MEDAG: variants seen among roughly 807,000 people sequenced by gnomAD.
The protein encoded by MEDAG is mesenteric estrogen-dependent adipogenesis protein.
A neutral mutation model predicts 29.9 loss-of-function variants in MEDAG; 25 were observed. The ratio of observed to expected loss-of-function variants is 0.84; its 90% CI spans 0.61 to 1.17. The LOEUF (loss-of-function observed/expected upper bound fraction) is 1.17. Ranked by LOEUF, MEDAG falls within the 50% of genes most tolerant of loss-of-function variation. The pLI is 0.00. For missense variants in MEDAG, 398 were observed against 372.9 expected (o/e 1.07, Z -0.56); for synonymous variants, 158 against 148.2 (o/e 1.07, Z -0.48).
In MEDAG at chr13:30,921,733, C is replaced by T; in HGVS notation, c.674C>T (p.Ser225Leu). 6.2e-7 allele frequency: 1 copy of T among 1,613,984 alleles called. No individual in the cohort carries two copies. ...VKVNGKVLNL[S>L]STSPEKKETI... ...GTAAATGGAAAAGTTCTGAATTTGT[C>T]AAGTACAAGTCCAGAAAAGAAGGAG... Residue 225 changes from serine (S) to leucine (L), a missense_variant, in exon 4 of 5, where the codon TCA becomes TTA. Transcript: ENST00000380482.
Position 30,906,674 on chromosome 13 carries a change from C to A in MEDAG, c.159C>A (p.Asp53Glu), listed in dbSNP as rs770099315. 9.0e-6 allele frequency: 14 copies of A among 1,555,372 alleles called. No individual in the cohort carries two copies. In the African/African-American group the frequency reaches 1.7e-4, roughly 18 times the overall value. The change falls in exon 1 of 5, where the codon GAC becomes GAA. Residue 53 changes from aspartate (D) to glutamate (E), a missense_variant. Transcript: ENST00000380482. ...LQPGAFQLSG[D>E]QLVVARPGEP... is the part of the protein sequence containing the mutation. Reference sequence around the variant, plus strand: ...CCGGTGCCTTCCAGCTGAGCGGCGACCAGCTCGTGGTGGCCAGGCCCGGGG... The same window carrying A: ...CCGGTGCCTTCCAGCTGAGCGGCGAACAGCTCGTGGTGGCCAGGCCCGGGG...
At chr13:30,917,791 A>C (rs1018990209) in intron 2 of MEDAG, among the ~76,000 whole-genome samples, 2 of 152,184 alleles carry the variant, frequency 1.3e-5, no homozygotes, top group African/African-American at 4.8e-5. Flanking sequence ...TGAGAACAGC[A>C]AGGGGAAAAT....
At chr13:30,922,345 T>C (rs1455047937) in intron 4 of MEDAG, 2 of 151,328 alleles carry the variant, frequency 1.3e-5, no homozygotes, top group East Asian at 2.0e-4. Flanking sequence ...AACCTCAGCC[T>C]TCCGGGTTCA....
In MEDAG at chr13:30,924,323, A is replaced by G. The variant is rs1298349879; in HGVS notation, c.800A>G (p.Asp267Gly). 3.7e-6 allele frequency: 6 copies of G among 1,613,310 alleles called. No homozygotes were observed. In the African/African-American group the frequency reaches 4.0e-5, roughly 11 times the overall value. The change falls in exon 5 of 5, where the codon GAT becomes GGT. Residue 267 changes from aspartate to glycine, a missense_variant. Physicochemically the swap from Asp to Gly is moderately conservative, Grantham distance 94. Transcript: ENST00000380482. ...TACTGTTTTTTAGGTTCAATAGATG[A>G]TGTTTTTAACTGCAATCTGTCACCC... ...FSVTSRGSID[D>G]VFNCNLSPRS... is the part of the protein sequence containing the mutation.
At chr13:30,912,385 T>C (rs1348409741) in intron 1 of MEDAG, among the ~76,000 whole-genome samples, 1 of 152,158 alleles carries the variant, frequency 6.6e-6, no homozygotes, top group Admixed American at 6.5e-5. Context: ...TCTGCAAGCT[T>C]TTGCTTAGTG....
In MEDAG at chr13:30,923,212, C is replaced by T. The variant is rs528360939; in HGVS notation, c.788-1099C>T. Among the ~76,000 whole-genome samples, 37 of 152,224 alleles carry T rather than the reference C, an allele frequency of 2.4e-4. 1 individual carries two copies. In the South Asian group the frequency reaches 5.6e-3, roughly 23 times the overall value. ...CTGGAATTACAGGTGTGAGCCACCA[C>T]GCCTGGCCACAGCCTGTGTTTCTTT... On this transcript the variant is annotated intron_variant, in intron 4 of 4. Coordinates refer to ENST00000380482, the MANE Select transcript of MEDAG (RefSeq NM_032849.4).
In MEDAG at chr13:30,909,560, G is replaced by A. The variant is rs7323188; in HGVS notation, c.278+2767G>A. On this transcript the variant is annotated intron_variant, in intron 1 of 4. Transcript: ENST00000380482. ...ACCATAGAACTTTTGAGAATTCTAC[G>A]TAGATTCCCCAGAAATGTAAATATA... Among the ~76,000 whole-genome samples the A allele has an allele frequency of 4.6e-3, 707 of 152,232 alleles. 5 individuals carry two copies. Among genetic ancestry groups the A allele is most frequent in the African/African-American group, 0.016 (663 of 41,534 alleles).
chr13:30,912,322 A>G (rs530245605), intron 1 of MEDAG, among the ~76,000 whole-genome samples: 2 of 152,298 alleles, frequency 1.3e-5, no homozygotes, highest in South Asian at 4.1e-4. Flanking sequence ...CGATCAAGCT[A>G]ACACTGGAAA....
At chr13:30,908,364 C>A (rs2138113628) in intron 1 of MEDAG, among the ~76,000 whole-genome samples, 1 of 152,300 alleles carries the variant, frequency 6.6e-6, no homozygotes, top group South Asian at 2.1e-4. Context: ...TTCTTTTGTA[C>A]CTGGGAAATA....
Position 30,921,763 on chromosome 13 carries a change from T to A in MEDAG, c.704T>A (p.Ile235Asn), listed in dbSNP as rs754308782. Reference protein sequence around the residue: ...SSTSPEKKETIKLFLEKMSEP... With the variant: ...SSTSPEKKETNKLFLEKMSEP... The stretch of plus-strand genomic sequence containing the variant: ...ACAAGTCCAGAAAAGAAGGAGACGA[T>A]TAAGTTATTTCTGGAAAAAATGAGT... Residue 235 changes from isoleucine to asparagine, a missense_variant, in exon 4 of 5, where the codon ATT (isoleucine) becomes AAT (asparagine). Ile to Asn is a moderately radical substitution (Grantham distance 149). Transcript: ENST00000380482. 4 of 1,613,744 alleles carry A rather than the reference T, an allele frequency of 2.5e-6. No homozygotes were observed. The South Asian group carries it at 4.4e-5, about 18-fold the overall frequency.
At chr13:30,917,608 C>T (rs757064712) in intron 2 of MEDAG, 96 bp downstream of exon 2, 81 of 706,590 alleles carry the variant, frequency 1.1e-4, no homozygotes, top group Non-Finnish European at 1.8e-4. Flanking sequence ...GCTCACGGTT[C>T]TGCAGGCTAT....
chr13:30,921,154 C>T, intron 3 of MEDAG, 28 bp downstream of exon 3: 1 of 1,567,338 alleles, frequency 6.4e-7, no homozygotes, highest in African/African-American at 1.3e-5. Flanking sequence ...GAATCCAGGG[C>T]TGTCAACCAC....
chr13:30,914,218 A>T (rs370577983), intron 1 of MEDAG, among the ~76,000 whole-genome samples: 1 of 152,334 alleles, frequency 6.6e-6, no homozygotes, highest in East Asian at 1.9e-4. Flanking sequence ...GCTCACATTT[A>T]TTTATTTCAA....
chr13:30,908,432 C>G (rs543912085), intron 1 of MEDAG, among the ~76,000 whole-genome samples: 1 of 152,322 alleles, frequency 6.6e-6, no homozygotes, highest in East Asian at 1.9e-4. Context: ...TGTCCTCAGG[C>G]AGGGAAGGAG....
Position 30,919,619 on chromosome 13 carries a change from C to CATGGGTAAGAAAAACGAG in MEDAG, c.389-1391_389-1374dup, listed in dbSNP as rs1485255067. On this transcript the variant is annotated intron_variant, in intron 2 of 4. Transcript: ENST00000380482. ...AAAAATAATTTTGGAGAAAGAAAAACATGGGTAAGAAAAACGAGATGAATA... is the reference window on the plus strand; with the variant it reads ...AAAAATAATTTTGGAGAAAGAAAAACATGGGTAAGAAAAACGAGATGGGTAAGAAAAACGAGATGAATA... Among the ~76,000 whole-genome samples the CATGGGTAAGAAAAACGAG allele has an allele frequency of 2.0e-5, 3 of 152,166 alleles. No individual in the cohort carries two copies. In the East Asian group the frequency reaches 5.8e-4, roughly 29 times the overall value.
intron 1 of MEDAG, among the ~76,000 whole-genome samples, chr13:30,915,829 C>T (rs993902282): frequency 1.3e-5 from 2 of 152,082 alleles, no homozygotes; most frequent in Non-Finnish European, 2.9e-5. Flanking sequence ...CCCACCCCAG[C>T]GCCCCTCCTC....
At chr13:30,911,863 C>T (rs1952885231) in intron 1 of MEDAG, among the ~76,000 whole-genome samples, 1 of 152,122 alleles carries the variant, frequency 6.6e-6, no homozygotes, top group Non-Finnish European at 1.5e-5. Context: ...ATGGGGGGAG[C>T]CCTGGATTTT....
At chr13:30,918,901 A>G (rs552390751) in intron 2 of MEDAG, among the ~76,000 whole-genome samples, 5 of 152,336 alleles carry the variant, frequency 3.3e-5, no homozygotes, top group African/African-American at 1.2e-4. Flanking sequence ...GATTATAACC[A>G]GAAAGCCAGA....
intron 1 of MEDAG, among the ~76,000 whole-genome samples, chr13:30,907,467 GC>G (rs1266524988): frequency 6.6e-6 from 1 of 152,210 alleles, no homozygotes; most frequent in African/African-American, 2.4e-5. Flanking sequence ...TGGGAAGGAG[GC>G]CCCCAGGATG....
Sources: gnomAD v4.1 joint callset for allele counts (sites outside exome capture counted in the v4.1 genomes callset) on GRCh38, gnomAD v4.1.1 for gene constraint, MANE v1.5 for transcripts, NCBI Gene and HGNC (gene_info 2026-07-23, HGNC 2026-07-21) for gene names.